Variants in ANO3 observed in about 807,000 individuals in gnomAD.
ANO3 encodes anoctamin-3.
In ANO3, 99 loss-of-function variants were observed where a neutral mutation model predicts 144.8. That is an observed-to-expected ratio of 0.68 (90% CI 0.58 to 0.81). The LOEUF (loss-of-function observed/expected upper bound fraction) is 0.81. ANO3 is among the 30% of genes least tolerant of loss of function. ANO3 has a pLI of 0.00. For missense variants in ANO3, 905 were observed against 1,202.2 expected, an observed-to-expected ratio of 0.75 and a Z score of 3.66; for synonymous variants, 414 against 392.6, an observed-to-expected ratio of 1.05 and a Z score of -0.64.
At chr11:26,445,819 A>G (rs1858681780) in intron 3 of ANO3, among the ~76,000 whole-genome samples, 1 of 151,576 alleles carries the variant, frequency 6.6e-6, no homozygotes, top group Non-Finnish European at 1.5e-5. Flanking sequence ...GTTTTTTATT[A>G]TTTTATTTTA....
intron 1 of ANO3, among the ~76,000 whole-genome samples, chr11:26,212,664 C>T (rs111385486): frequency 0.3 from 45,897 of 151,636 alleles, 7,678 homozygotes; most frequent in Non-Finnish European, 0.37. Context: ...CCAAAAAAAG[C>T]CCAGGACCAG....
At chr11:26,360,224 C>T (rs1165651758) in intron 1 of ANO3, among the ~76,000 whole-genome samples, 1 of 125,120 alleles carries the variant, frequency 8.0e-6, no homozygotes, top group African/African-American at 3.0e-5. Flanking sequence ...TTGTTGCCTC[C>T]TGGTTCTTTT....
intron 1 of ANO3, among the ~76,000 whole-genome samples, chr11:26,228,872 T>A (rs1047626089): frequency 6.6e-6 from 1 of 152,198 alleles, no homozygotes; most frequent in African/African-American, 2.4e-5. Context: ...GTGAATCATT[T>A]GCCAAAACAA....
At chr11:26,366,651 C>A (rs546734349) in intron 1 of ANO3, among the ~76,000 whole-genome samples, 2 of 152,028 alleles carry the variant, frequency 1.3e-5, no homozygotes, top group Admixed American at 1.3e-4. Context: ...TGTTTCCTGA[C>A]TTTTTAATGA....
chr11:26,631,683 A>T (rs1031444063), intron 18 of ANO3, among the ~76,000 whole-genome samples: 1 of 152,192 alleles, frequency 6.6e-6, no homozygotes, highest in Non-Finnish European at 1.5e-5. Flanking sequence ...ATATCAAGAA[A>T]ATAGTAACAG....
intron 14 of ANO3, chr11:26,565,652 C>T (rs367651924): frequency 3.7e-6 from 6 of 1,608,408 alleles, no homozygotes; most frequent in East Asian, 2.2e-5. Context: ...GGGAATGACT[C>T]GCCTTGAGAT....
chr11:26,250,511 G>T (rs1195791259), intron 1 of ANO3, among the ~76,000 whole-genome samples: 2 of 152,122 alleles, frequency 1.3e-5, no homozygotes, highest in Non-Finnish European at 2.9e-5. Flanking sequence ...GCTTATGTAT[G>T]CTGTCAGTGA....
chr11:26,266,327 A>G (rs1251617665), intron 1 of ANO3, among the ~76,000 whole-genome samples: 1 of 152,182 alleles, frequency 6.6e-6, no homozygotes, highest in East Asian at 1.9e-4. Context: ...ATTGACTTTA[A>G]CACTATTTAT....
At chr11:26,349,705 A>C (rs945687999) in intron 1 of ANO3, among the ~76,000 whole-genome samples, 2 of 151,756 alleles carry the variant, frequency 1.3e-5, no homozygotes, top group South Asian at 4.2e-4. Context: ...CCCGCCACCG[A>C]GCCCGGCTAA....
chr11:26,378,466 C>G (rs1479038234), intron 1 of ANO3, among the ~76,000 whole-genome samples: 5 of 149,632 alleles, frequency 3.3e-5, no homozygotes, highest in Non-Finnish European at 5.9e-5. Context: ...AGACTAGTTA[C>G]CACTAAAATA....
chr11:26,275,278 T>A (rs1421150392), intron 1 of ANO3, among the ~76,000 whole-genome samples: 1 of 152,130 alleles, frequency 6.6e-6, no homozygotes, highest in Non-Finnish European at 1.5e-5. Context: ...TCAATAGGAA[T>A]GGCCAAATCC....
intron 3 of ANO3, among the ~76,000 whole-genome samples, chr11:26,446,676 T>C (rs1026755960): frequency 1.4e-4 from 21 of 152,224 alleles, no homozygotes; most frequent in Admixed American, 1.3e-3. Context: ...AACTGTAGTA[T>C]ATTATTTAAC....
At chr11:26,537,519 T>C in intron 10 of ANO3, 58 bp downstream of exon 10, 1 of 1,405,098 alleles carries the variant, frequency 7.1e-7, no homozygotes, top group Non-Finnish European at 1.0e-6. Context: ...CAATGCTTGG[T>C]CCTGTTGTTT....
Position 26,434,798 on chromosome 11 carries a change from A to G in ANO3, c.47-7120A>G, listed in dbSNP as rs561740201. 1.3e-4 allele frequency among the ~76,000 whole-genome samples: 20 copies of G among 152,212 alleles called. No individual in the cohort carries two copies. In the South Asian group the frequency reaches 3.9e-3, roughly 30 times the overall value. On this transcript the variant is annotated intron_variant, in intron 1 of 26. Coordinates refer to ENST00000256737, the MANE Select transcript of ANO3 (RefSeq NM_031418.4). The stretch of plus-strand genomic sequence containing the variant: ...GCTGTGACCCAAGAGTGTGTTTGGT[A>G]TCATTTTGGTTCTTATGCATTTGCT...
chr11:26,418,863 C>T (rs745382473), intron 1 of ANO3, among the ~76,000 whole-genome samples: 1 of 133,212 alleles, frequency 7.5e-6, no homozygotes, highest in Non-Finnish European at 1.7e-5. Flanking sequence ...TGTCAATTGC[C>T]AGAATTCCTC....
At chr11:26,412,159 A>G (rs971009808) in intron 1 of ANO3, among the ~76,000 whole-genome samples, 1 of 152,082 alleles carries the variant, frequency 6.6e-6, no homozygotes, top group Non-Finnish European at 1.5e-5. Context: ...GGAGAAATAC[A>G]AGGCTAGCTT....
chr11:26,256,400 T>C (rs1196658714), intron 1 of ANO3, among the ~76,000 whole-genome samples: 1 of 152,162 alleles, frequency 6.6e-6, no homozygotes. Context: ...TTCTTCATTA[T>C]GTTTTTGCTT....
intron 1 of ANO3, among the ~76,000 whole-genome samples, chr11:26,289,580 C>T (rs117682795): frequency 2.9e-3 from 263 of 89,330 alleles, no homozygotes; most frequent in East Asian, 0.016. Flanking sequence ...ACACATATAT[C>T]CTATATGTGT....
At chr11:26,482,273 T>G (rs2134090145) in intron 4 of ANO3, among the ~76,000 whole-genome samples, 1 of 152,206 alleles carries the variant, frequency 6.6e-6, no homozygotes, top group Non-Finnish European at 1.5e-5. Context: ...ATGTGCAGGT[T>G]TGTTACATAT....
Sources: gnomAD v4.1 joint callset for allele counts (sites outside exome capture counted in the v4.1 genomes callset) on GRCh38, gnomAD v4.1.1 for gene constraint, MANE v1.5 for transcripts, NCBI Gene and HGNC (gene_info 2026-07-23, HGNC 2026-07-21) for gene names.